Variants in PON1 observed in about 807,000 individuals in gnomAD.
PON1 encodes the protein paraoxonase 1, also known as serum paraoxonase/arylesterase 1.
Under a neutral mutation model 39.2 loss-of-function variants are expected in PON1, and 37 were observed. The ratio of observed to expected loss-of-function variants is 0.94; its 90% CI spans 0.73 to 1.24. The LOEUF (loss-of-function observed/expected upper bound fraction) is 1.24. Ranked by LOEUF, PON1 falls within the 50% of genes most tolerant of loss-of-function variation. The pLI, the probability that PON1 is intolerant of heterozygous loss-of-function variation, is 0.00. For synonymous variants in PON1, 148 were observed against 152.2 expected (o/e 0.97, Z 0.21); for missense variants, 397 against 413.5 (o/e 0.96, Z 0.35).
intron 4 of PON1, among the ~76,000 whole-genome samples, chr7:95,313,813 A>G (rs1008965842): frequency 6.6e-6 from 1 of 152,092 alleles, no homozygotes; most frequent in African/African-American, 2.4e-5. Context: ...AAGAATAATA[A>G]TACCCCTATT....
At position 95,298,649 on chromosome 7, in the gene PON1, TCACA is replaced by T. The variant is rs1807344097; in HGVS notation, c.*291_*294del. ...TGTTTTAGGGTAAGTACTTTTGGGGTCACACACTGTTATTTAATATCTGACAATT... is the reference window on the plus strand; with the variant it reads ...TGTTTTAGGGTAAGTACTTTTGGGGTCACTGTTATTTAATATCTGACAATT... On this transcript the variant is annotated 3_prime_UTR_variant, in exon 9 of 9. Transcript: ENST00000222381. 2.2e-6 allele frequency: 1 copy of T among 452,218 alleles called. No individual in the cohort carries two copies. Among genetic ancestry groups the T allele is most frequent in the African/African-American group, 2.0e-5 (1 of 50,298 alleles). The allele number at this position is 452,218 out of a possible 1,614,324, so 28.0% of individuals were successfully genotyped here. A position where few individuals can be genotyped will look rare whatever the true frequency, so the allele number is the denominator to read the frequency against.
chr7:95,310,347 T>C (rs757141029), intron 5 of PON1, among the ~76,000 whole-genome samples: 10 of 152,230 alleles, frequency 6.6e-5, no homozygotes, highest in Non-Finnish European at 1.5e-4. Context: ...GCTTCTCCAT[T>C]CTACATACTG....
At chr7:95,324,279 G>A in intron 1 of PON1, 123 bp downstream of exon 1, 3 of 848,772 alleles carry the variant, frequency 3.5e-6, no homozygotes, top group Admixed American at 1.9e-5. Context: ...CCCGCAGAGT[G>A]TGCATCTAGC....
chr7:95,323,003 C>T (rs1807933237), intron 1 of PON1, among the ~76,000 whole-genome samples: 1 of 152,168 alleles, frequency 6.6e-6, no homozygotes, highest in Non-Finnish European at 1.5e-5. Context: ...TGATGCAGGC[C>T]TCATGATATC....
At chr7:95,309,169 C>G (rs1389316959) in intron 5 of PON1, among the ~76,000 whole-genome samples, 1 of 152,112 alleles carries the variant, frequency 6.6e-6, no homozygotes, top group African/African-American at 2.4e-5. Context: ...CAAAATCATA[C>G]AGCTCATTAG....
intron 7 of PON1, among the ~76,000 whole-genome samples, chr7:95,302,776 A>G (rs893245148): frequency 2.6e-5 from 4 of 152,234 alleles, no homozygotes; most frequent in Non-Finnish European, 5.9e-5. Flanking sequence ...TGGACTCTTT[A>G]ATGGCTAATC....
At chr7:95,306,795 G>A (rs1807549864) in intron 6 of PON1, among the ~76,000 whole-genome samples, 1 of 152,030 alleles carries the variant, frequency 6.6e-6, no homozygotes, top group African/African-American at 2.4e-5. Flanking sequence ...TATGAGAGAA[G>A]AAAAGCTGCT....
In PON1 at chr7:95,299,085, GTTCTGGA is replaced by G; in HGVS notation, c.920_926del (p.Ile307ThrfsTer3). The G allele has an allele frequency of 6.2e-7, 1 of 1,614,118 alleles. No homozygotes were observed. The highest frequency in any genetic ancestry group is 1.1e-5 in the South Asian group (1 of 91,086). On this transcript the variant is annotated frameshift_variant, in exon 9 of 9. Transcript: ENST00000222381. LOFTEE classifies it high-confidence loss of function. ...TCACTTTAGGTTCTTCTGTTAGAAT[GTTCTGGA>G]TTCGAAGCACCTGTGGAAGAAATAA...
intron 4 of PON1, among the ~76,000 whole-genome samples, chr7:95,314,996 C>T (rs922369478): frequency 5.3e-5 from 8 of 151,952 alleles, no homozygotes; most frequent in East Asian, 1.9e-4. Context: ...TGTAAATGCC[C>T]GAGTCTTGAA....
chr7:95,318,912 C>T (rs886308594), intron 1 of PON1, among the ~76,000 whole-genome samples: 4 of 152,122 alleles, frequency 2.6e-5, no homozygotes, highest in African/African-American at 9.7e-5. Context: ...TGTAAAAAGG[C>T]ATTTCACACA....
chr7:95,319,909 T>C (rs1674540712), intron 1 of PON1, among the ~76,000 whole-genome samples: 3 of 152,226 alleles, frequency 2.0e-5, no homozygotes, highest in African/African-American at 7.2e-5. Context: ...CATACATTCA[T>C]AACTTTTCTG....
chr7:95,303,156 T>C (rs1394304178), intron 7 of PON1, among the ~76,000 whole-genome samples: 1 of 152,162 alleles, frequency 6.6e-6, no homozygotes, highest in East Asian at 1.9e-4. Flanking sequence ...TCATGACTCA[T>C]TGAAAAAGCC....
At chr7:95,323,855 G>C (rs778162588) in intron 1 of PON1, among the ~76,000 whole-genome samples, 18 of 152,256 alleles carry the variant, frequency 1.2e-4, no homozygotes, top group Admixed American at 2.6e-4. Flanking sequence ...TGGCTCCAGG[G>C]TTCCCTCTTC....
intron 7 of PON1, among the ~76,000 whole-genome samples, chr7:95,306,002 G>C (rs1275787872): frequency 3.3e-5 from 5 of 152,002 alleles, no homozygotes; most frequent in African/African-American, 4.8e-5. Flanking sequence ...AGGAAGGGAG[G>C]GATGGAAGGA....
intron 5 of PON1, among the ~76,000 whole-genome samples, chr7:95,310,545 T>G (rs964286920): frequency 6.6e-6 from 1 of 152,222 alleles, no homozygotes; most frequent in Non-Finnish European, 1.5e-5. Flanking sequence ...ACTAGTGAGT[T>G]GATTGGCCTT....
intron 3 of PON1, among the ~76,000 whole-genome samples, chr7:95,316,342 A>G (rs191557799): frequency 1.3e-5 from 2 of 152,326 alleles, no homozygotes; most frequent in African/African-American, 4.8e-5. Context: ...AAATTTGTTT[A>G]AAAATGTGAA....
chr7:95,308,347 ACAATT>A, intron 5 of PON1, 136 bp from the exon 6 acceptor site: 2 of 790,970 alleles, frequency 2.5e-6, no homozygotes, highest in South Asian at 3.0e-5. Flanking sequence ...ATAATGGAAC[ACAATT>A]AATATGAAAT....
intron 7 of PON1, among the ~76,000 whole-genome samples, chr7:95,305,690 A>G (rs1258641688): frequency 1.3e-5 from 2 of 152,078 alleles, no homozygotes; most frequent in Non-Finnish European, 2.9e-5. Flanking sequence ...GGAGGGGGTC[A>G]TGGAGATCTG....
At chr7:95,321,150 C>T (rs921525463) in intron 1 of PON1, among the ~76,000 whole-genome samples, 1 of 152,130 alleles carries the variant, frequency 6.6e-6, no homozygotes, top group Non-Finnish European at 1.5e-5. Context: ...TCAACCAGCT[C>T]TCTCGAAATG....
Sources: allele counts gnomAD v4.1 joint callset (sites outside exome capture counted in the v4.1 genomes callset), GRCh38; gene constraint gnomAD v4.1.1; transcripts MANE v1.5; gene names NCBI Gene and HGNC (gene_info 2026-07-23, HGNC 2026-07-21).